GRM7: variants seen among roughly 807,000 people sequenced by gnomAD.
The protein encoded by GRM7 is metabotropic glutamate receptor 7.
Under a neutral mutation model 84.5 loss-of-function variants are expected in GRM7, and 35 were observed. That is an observed-to-expected ratio of 0.41 (90% confidence interval 0.32 to 0.55). GRM7 has a LOEUF of 0.55. GRM7 is among the 20% of genes least tolerant of loss of function. The probability of loss-of-function intolerance (pLI) is 0.19; values close to 1 mark genes in which losing one functional copy is unlikely to be tolerated. For synonymous variants in GRM7, 487 were observed against 455.1 expected (o/e 1.07, Z -0.89); for missense variants, 1,003 against 1,194.6 (o/e 0.84, Z 2.36).
At chr3:7,659,031 C>T (rs1441118569) in intron 8 of GRM7, among the ~76,000 whole-genome samples, 3 of 152,126 alleles carry the variant, frequency 2.0e-5, no homozygotes, top group Non-Finnish European at 4.4e-5. Context: ...ATAGTGGAAG[C>T]AATTCCTATT....
chr3:7,166,235 G>GT (rs144595115), intron 2 of GRM7, among the ~76,000 whole-genome samples: 33,285 of 151,830 alleles, frequency 0.22, 3,999 homozygotes, highest in African/African-American at 0.32. Context: ...TTTAAATAAA[G>GT]TTTTTTTTGA....
In GRM7 at chr3:7,452,634, A is replaced by G; in HGVS notation, c.1202A>G (p.Asn401Ser). 6.2e-7 allele frequency: 1 copy of G among 1,612,104 alleles called. No homozygotes were observed. Among genetic ancestry groups the G allele is most frequent in the Non-Finnish European group, 8.5e-7 (1 of 1,178,412 alleles). Residue 401 changes from asparagine to serine, a missense_variant, in exon 6 of 10, where the codon AAC (asparagine) becomes AGC (serine). This residue lies in a region of GRM7 where 910 missense variants were observed against 1,126.0 expected (regional missense o/e 0.81). Coordinates refer to ENST00000357716, the MANE Select transcript of GRM7 (RefSeq NM_000844.4). ...CAGGAGAGAATTGGAAAAGATTCCA[A>G]CTATGAGCAGGAGGGTAAAGTCCAG... The part of the protein sequence containing the change: ...TGQERIGKDS[N>S]YEQEGKVQFV...
intron 1 of GRM7, among the ~76,000 whole-genome samples, chr3:7,071,472 T>C (rs1247874257): frequency 6.6e-6 from 1 of 151,996 alleles, no homozygotes; most frequent in East Asian, 1.9e-4. Context: ...TAAACATTCT[T>C]ACCCAGCTTC....
chr3:7,724,504 C>G (rs1172107543), intron 9 of GRM7, among the ~76,000 whole-genome samples: 1 of 152,160 alleles, frequency 6.6e-6, no homozygotes, highest in Non-Finnish European at 1.5e-5. Context: ...GATTAGGTAA[C>G]TAGAAGAACT....
intron 1 of GRM7, among the ~76,000 whole-genome samples, chr3:7,074,531 TTAGCC>T (rs1426442677): frequency 2.0e-5 from 3 of 152,026 alleles, no homozygotes; most frequent in African/African-American, 7.3e-5. Context: ...AATCTAAGAA[TTAGCC>T]CTACAAAATT....
intron 1 of GRM7, among the ~76,000 whole-genome samples, chr3:6,974,836 G>T (rs553063875): frequency 6.6e-6 from 1 of 152,248 alleles, no homozygotes; most frequent in South Asian, 2.1e-4. Context: ...GAGTTGTGTA[G>T]AAAAATTACC....
chr3:6,886,352 A>G (rs1405267387), intron 1 of GRM7, among the ~76,000 whole-genome samples: 1 of 152,062 alleles, frequency 6.6e-6, no homozygotes, highest in Non-Finnish European at 1.5e-5. Flanking sequence ...TTTGGGAGTG[A>G]GGGGCTGGGG....
intron 8 of GRM7, among the ~76,000 whole-genome samples, chr3:7,646,278 G>A (rs769903835): frequency 2.0e-5 from 3 of 152,080 alleles, no homozygotes; most frequent in Non-Finnish European, 2.9e-5. Flanking sequence ...TGCAGCCTCT[G>A]CCTCCCAGGT....
At chr3:7,706,435 T>A (rs1402186054) in intron 9 of GRM7, among the ~76,000 whole-genome samples, 1 of 152,164 alleles carries the variant, frequency 6.6e-6, no homozygotes, top group East Asian at 1.9e-4. Flanking sequence ...CATCCCCAAC[T>A]GCAAGTTTGG....
At chr3:7,344,609 C>G (rs186101148) in intron 4 of GRM7, among the ~76,000 whole-genome samples, 4 of 152,186 alleles carry the variant, frequency 2.6e-5, no homozygotes, top group Admixed American at 2.6e-4. Context: ...TATATAAAAG[C>G]CTGTTATTCG....
intron 1 of GRM7, chr3:6,893,881 T>C (rs1696067110): frequency 1.3e-5 from 2 of 152,094 alleles, no homozygotes; most frequent in African/African-American, 4.8e-5. Context: ...GAGTAGAAAA[T>C]CTGCCTATGT....
intron 1 of GRM7, among the ~76,000 whole-genome samples, chr3:6,929,965 G>C (rs777288687): frequency 2.0e-5 from 3 of 152,136 alleles, no homozygotes; most frequent in Non-Finnish European, 4.4e-5. Context: ...CCACAAACGT[G>C]GTGTCTGGAG....
chr3:7,531,500 T>C (rs561950245), intron 7 of GRM7, among the ~76,000 whole-genome samples: 40 of 152,316 alleles, frequency 2.6e-4, no homozygotes, highest in African/African-American at 9.6e-4. Flanking sequence ...AGCAGAGGTT[T>C]GTAGTTCTCC....
At chr3:7,475,438 C>G (rs950247983) in intron 7 of GRM7, among the ~76,000 whole-genome samples, 7 of 152,090 alleles carry the variant, frequency 4.6e-5, no homozygotes, top group African/African-American at 1.4e-4. Flanking sequence ...TTACCCGATT[C>G]GTGTGCATAT....
At chr3:6,901,604 T>TAAAAAAAAAAAAAAAAAAAAAAAAAAAAA (rs33945077) in intron 1 of GRM7, among the ~76,000 whole-genome samples, 1 of 40,494 alleles carries the variant, frequency 2.5e-5, no homozygotes, top group African/African-American at 9.5e-5. Context: ...AGACTCCGTC[T>TAAAAAAAAAAAAAAAAAAAAAAAAAAAAA]AAAAAAAAAA....
Position 7,380,017 on chromosome 3 carries a change from T to C in GRM7, c.1034-35006T>C, listed in dbSNP as rs147039937. Among the ~76,000 whole-genome samples the C allele has an allele frequency of 2.6e-3, 402 of 152,326 alleles. 8 individuals are homozygous for C. Among genetic ancestry groups the C allele is most frequent in the South Asian group, 0.018 (87 of 4,828 alleles). On this transcript the variant is annotated intron_variant, in intron 4 of 9. Transcript: ENST00000357716. ...TAGCAAGGTAACTTGGATGTGTTTTTGTTGGTTCTACTCCATTTCGAAATG... is the reference window on the plus strand; with the variant it reads ...TAGCAAGGTAACTTGGATGTGTTTTCGTTGGTTCTACTCCATTTCGAAATG...
intron 4 of GRM7, among the ~76,000 whole-genome samples, chr3:7,410,720 T>C (rs988312483): frequency 4.0e-5 from 6 of 151,830 alleles, no homozygotes; most frequent in Admixed American, 3.3e-4. Context: ...GACAAGTCTA[T>C]ATGTTAAATA....
intron 1 of GRM7, among the ~76,000 whole-genome samples, chr3:7,073,777 G>A (rs1346505228): frequency 3.3e-5 from 5 of 152,152 alleles, no homozygotes; most frequent in African/African-American, 7.2e-5. Context: ...TGCAGTCAGA[G>A]TTTCTGACCC....
At chr3:7,423,850 G>C (rs187013209) in intron 5 of GRM7, among the ~76,000 whole-genome samples, 1 of 152,026 alleles carries the variant, frequency 6.6e-6, no homozygotes, top group Admixed American at 6.6e-5. Context: ...GTATGTGGGC[G>C]AACACATATG....
Sources: gnomAD v4.1 joint callset for allele counts (sites outside exome capture counted in the v4.1 genomes callset) on GRCh38, gnomAD v4.1.1 for gene constraint, gnomAD v4.1.1 regional missense constraint, MANE v1.5 for transcripts, NCBI Gene and HGNC (gene_info 2026-07-23, HGNC 2026-07-21) for gene names.